Variants in CFI observed in about 807,000 individuals in gnomAD.
The protein encoded by CFI is complement factor I.
A neutral mutation model predicts 78.8 loss-of-function variants in CFI; 66 were observed. The observed-to-expected ratio is 0.84, with a 90% confidence interval of 0.69 to 1.03. CFI has a LOEUF of 1.03. CFI is among the 50% of genes least tolerant of loss of function. The pLI, the probability that CFI is intolerant of heterozygous loss-of-function variation, is 0.00. For missense variants in CFI, 706 were observed against 704.5 expected (o/e 1.00, Z -0.02); for synonymous variants, 250 against 232.6 (o/e 1.07, Z -0.68).
intron 1 of CFI, among the ~76,000 whole-genome samples, chr4:109,800,183 T>C (rs1462819618): frequency 2.6e-5 from 4 of 152,092 alleles, no homozygotes; most frequent in Non-Finnish European, 4.4e-5. Context: ...CAGTTCTTTC[T>C]CTCTAAAATG....
At chr4:109,773,579 T>C (rs929510399) in intron 1 of CFI, among the ~76,000 whole-genome samples, 2 of 152,162 alleles carry the variant, frequency 1.3e-5, no homozygotes, top group African/African-American at 4.8e-5. Flanking sequence ...TTCTTACTGG[T>C]GCACAACATA....
chr4:109,746,481 G>C lies in CFI; in HGVS notation c.1170C>G (p.Tyr390Ter). The change falls in exon 11 of 13, where the codon TAC (tyrosine) becomes TAG (stop). Residue 390 changes from tyrosine to a stop codon, truncating the protein, a stop_gained. Coordinates refer to ENST00000394634, the MANE Select transcript of CFI (RefSeq NM_000204.5). LOFTEE classifies it high-confidence loss of function. Reference protein sequence around the residue: ...HCLRASKTHRYQIWTTVVDWI... With the variant: ...HCLRASKTHR ...AGTCTACTACTGTTGTCCATATTTG[G>C]TAACGATGAGTTTTACTGGCTCTAT... 6.2e-7 allele frequency: 1 copy of C among 1,611,770 alleles called. No homozygotes were observed. The highest frequency in any genetic ancestry group is 8.5e-7 in the Non-Finnish European group (1 of 1,179,030).
chr4:109,783,648 A>G (rs759262994), intron 1 of CFI, among the ~76,000 whole-genome samples: 2 of 151,858 alleles, frequency 1.3e-5, no homozygotes, highest in Non-Finnish European at 2.9e-5. Context: ...TAGAACTACC[A>G]TCAGATTCAG....
chr4:109,738,904 G>T (rs1723539319), downstream of CFI, among the ~76,000 whole-genome samples: 1 of 152,162 alleles, frequency 6.6e-6, no homozygotes, highest in Non-Finnish European at 1.5e-5. Flanking sequence ...GAATTTAATG[G>T]ATGAAAAATC....
At position 109,768,026 on chromosome 4, in the gene CFI, G is replaced by A. The variant is rs1365583355; in HGVS notation, c.58-1202C>T. ...AAACCATCATTCTCAGCAAACTATT[G>A]CAAGGACAAAAAACCAAACACCACA... On this transcript the variant is annotated intron_variant, in intron 1 of 12. Coordinates refer to ENST00000394634, the MANE Select transcript of CFI (RefSeq NM_000204.5). Among the ~76,000 whole-genome samples, 12 of 149,522 alleles carry A rather than the reference G, an allele frequency of 8.0e-5. No individual in the cohort carries two copies. In the Admixed American group the frequency reaches 8.1e-4, roughly 10 times the overall value.
chr4:109,734,501 G>T, the CFI span, among the ~76,000 whole-genome samples: 1 of 152,158 alleles, frequency 6.6e-6, no homozygotes, highest in Non-Finnish European at 1.5e-5. Context: ...AGGAAGAAAA[G>T]AATTAGAAAT....
At chr4:109,800,321 G>GTTTTTTTTTTTTT in intron 1 of CFI, among the ~76,000 whole-genome samples, 1 of 48,774 alleles carries the variant, frequency 2.1e-5, no homozygotes, top group Non-Finnish European at 3.5e-5. Context: ...TGGCTTCTCT[G>GTTTTTTTTTTTTT]TTTTTTTTTT....
intron 7 of CFI, among the ~76,000 whole-genome samples, chr4:109,756,752 C>T (rs371102537): frequency 6.6e-6 from 1 of 151,312 alleles, no homozygotes; most frequent in South Asian, 2.1e-4. Flanking sequence ...CTCAGCTACT[C>T]GGGAGGTTGA....
rs994808837 is a variant in CFI at position 109,758,050 on chromosome 4, A to G, written c.884-267T>C. 7.4e-6 allele frequency: 7 copies of G among 947,576 alleles called. No homozygotes were observed. In the African/African-American group the frequency reaches 1.0e-4, roughly 14 times the overall value. The allele number at this position is 947,576 out of a possible 1,614,324, so 58.7% of individuals were successfully genotyped here. On this transcript the variant is annotated intron_variant, in intron 6 of 12. Transcript: ENST00000394634. ...AAATTATTAAATTTCAGACTAGTAC[A>G]ACTTAATAGTTAGAAGCATTACTAA...
chr4:109,760,516 TG>T lies in CFI; in HGVS notation c.772+6del. 1.3e-6 allele frequency: 2 copies of T among 1,543,716 alleles called. No homozygotes were observed. Among genetic ancestry groups the T allele is most frequent in the Admixed American group, 3.3e-5 (2 of 59,928 alleles). On this transcript the variant is annotated splice_donor_region_variant and intron_variant, in intron 5 of 12. Transcript: ENST00000394634. ...TTAGAGGATTTAGAGGCTAGATTTATGTCTACCTTTACAACACAGTTCATCA... is the reference window on the plus strand; with the variant it reads ...TTAGAGGATTTAGAGGCTAGATTTATTCTACCTTTACAACACAGTTCATCA...
intron 7 of CFI, among the ~76,000 whole-genome samples, chr4:109,753,214 T>TCTTATATAA (rs1725459817): frequency 2.2e-4 from 1 of 4,532 alleles, no homozygotes; most frequent in Non-Finnish European, 6.3e-3. Context: ...AATATATATT[T>TCTTATATAA]ATAATATATT....
At chr4:109,731,621 A>G in the CFI span, among the ~76,000 whole-genome samples, 14 of 152,290 alleles carry the variant, frequency 9.2e-5, no homozygotes, top group African/African-American at 3.4e-4. Context: ...CCTCCCTACA[A>G]ACAGGGTAGC....
chr4:109,764,704 A>C lies in CFI; in HGVS notation c.329-14T>G, dbSNP rs767092586. 7 of 1,610,684 alleles carry C rather than the reference A, an allele frequency of 4.3e-6. No homozygotes were observed. The highest frequency in any genetic ancestry group is 5.1e-6 in the Non-Finnish European group (6 of 1,178,560). On this transcript the variant is annotated splice_polypyrimidine_tract_variant and intron_variant, in intron 2 of 12. Coordinates refer to ENST00000394634, the MANE Select transcript of CFI (RefSeq NM_000204.5). ...CACTAAACTTTCCTAAAATAAAAAA[A>C]CAAAATAATGTGCAATATGTAGCCA...
At chr4:109,781,776 C>T (rs932191989) in intron 1 of CFI, among the ~76,000 whole-genome samples, 30 of 152,078 alleles carry the variant, frequency 2.0e-4, no homozygotes, top group Admixed American at 1.3e-4. Flanking sequence ...TACTAGCTAA[C>T]CAAATCGAAC....
intron 1 of CFI, chr4:109,794,359 A>T (rs1731776729): frequency 6.6e-6 from 1 of 152,124 alleles, no homozygotes; most frequent in African/African-American, 2.4e-5. Context: ...CTGGATAATT[A>T]ATTAAATGGA....
intron 2 of CFI, among the ~76,000 whole-genome samples, chr4:109,765,563 T>A (rs1222042558): frequency 6.6e-6 from 1 of 151,848 alleles, no homozygotes; most frequent in African/African-American, 2.4e-5. Flanking sequence ...CAAGGTGGGG[T>A]TTGGAGGGAC....
At chr4:109,777,382 AG>A (rs1729392524) in intron 1 of CFI, among the ~76,000 whole-genome samples, 1 of 152,230 alleles carries the variant, frequency 6.6e-6, no homozygotes, top group South Asian at 2.1e-4. Flanking sequence ...AAAGAGACAA[AG>A]AAAGTCATTA....
At position 109,758,858 on chromosome 4, in the gene CFI, C is replaced by T. The variant is rs577193768; in HGVS notation, c.884-1075G>A. ...CTGTAATGCCAGCACTTTGGGAGGCCGAGGCAGGCAGATCACTTGAGGCCA... is the reference window on the plus strand; with the variant it reads ...CTGTAATGCCAGCACTTTGGGAGGCTGAGGCAGGCAGATCACTTGAGGCCA... On this transcript the variant is annotated intron_variant, in intron 6 of 12. Transcript: ENST00000394634. 1.8e-3 allele frequency among the ~76,000 whole-genome samples: 277 copies of T among 152,256 alleles called. 1 individual carries two copies. Among genetic ancestry groups the T allele is most frequent in the African/African-American group, 5.8e-3 (240 of 41,554 alleles).
chr4:109,756,931 AAGAAAG>A (rs1320593234), intron 7 of CFI, among the ~76,000 whole-genome samples: 7 of 149,098 alleles, frequency 4.7e-5, no homozygotes, highest in Non-Finnish European at 9.0e-5. Flanking sequence ...GAAAGAAAGA[AAGAAAG>A]AAAGAAAGAA....
Sources: allele counts gnomAD v4.1 joint callset (sites outside exome capture counted in the v4.1 genomes callset), GRCh38; gene constraint gnomAD v4.1.1; transcripts MANE v1.5; gene names NCBI Gene and HGNC (gene_info 2026-07-23, HGNC 2026-07-21).